SARNP: variants seen among roughly 807,000 people sequenced by gnomAD.
SARNP encodes the protein SAP domain containing ribonucleoprotein, also known as SAP domain-containing ribonucleoprotein.
Under a neutral mutation model 38.1 loss-of-function variants are expected in SARNP, and 5 were observed. The observed-to-expected ratio is 0.13, with a 90% CI of 0.07 to 0.28. The LOEUF (loss-of-function observed/expected upper bound fraction) is 0.28, where lower values mean the gene tolerates loss of function less well. Ranked by LOEUF, SARNP falls within the 10% of genes least tolerant of loss-of-function variation. The pLI is 1.00. For synonymous variants in SARNP, 84 were observed against 80.6 expected (o/e 1.04, Z -0.23); for missense variants, 180 against 243.9 (o/e 0.74, Z 1.75).
At chr12:55,758,589 G>A (rs1034306726) in intron 10 of SARNP, among the ~76,000 whole-genome samples, 8 of 151,998 alleles carry the variant, frequency 5.3e-5, no homozygotes, top group Non-Finnish European at 1.0e-4. Flanking sequence ...AGGTTGCAGT[G>A]AGCTGAGATC....
At chr12:55,789,471 A>C (rs1220335512) in intron 8 of SARNP, among the ~76,000 whole-genome samples, 1 of 152,150 alleles carries the variant, frequency 6.6e-6, no homozygotes, top group Admixed American at 6.5e-5. Context: ...ACCATTCACA[A>C]TCCAAAATCA....
At chr12:55,784,406 C>A (rs1051195469) in intron 9 of SARNP, among the ~76,000 whole-genome samples, 1 of 152,164 alleles carries the variant, frequency 6.6e-6, no homozygotes, top group African/African-American at 2.4e-5. Flanking sequence ...TAGTTAAGCA[C>A]AAGAACTAGG....
At position 55,815,221 on chromosome 12, in the gene SARNP, C is replaced by T. The variant is rs558146021; in HGVS notation, c.36+2445G>A. On this transcript the variant is annotated intron_variant, in intron 1 of 10. Transcript: ENST00000336133. Reference sequence around the variant, plus strand: ...TACAGGTGTGTGCCACCATGCCCAGCTAATTTTTTAATTTTTTTTGTAGAG... The same window carrying T: ...TACAGGTGTGTGCCACCATGCCCAGTTAATTTTTTAATTTTTTTTGTAGAG... Among the ~76,000 whole-genome samples the T allele has an allele frequency of 2.0e-5, 3 of 152,226 alleles. No homozygotes were observed. In the South Asian group the frequency reaches 6.2e-4, roughly 32 times the overall value.
chr12:55,811,065 G>C (rs1020506412), intron 1 of SARNP, among the ~76,000 whole-genome samples: 1 of 135,978 alleles, frequency 7.4e-6, no homozygotes, highest in South Asian at 2.6e-4. Context: ...CTGGGTGACA[G>C]AGCGAGACTC....
intron 9 of SARNP, 90 bp downstream of exon 9, chr12:55,788,985 A>T: frequency 1.2e-6 from 1 of 813,344 alleles, no homozygotes; most frequent in Non-Finnish European, 2.1e-6. Context: ...GTAGCCAGCT[A>T]CATTCTCAGG....
intron 1 of SARNP, among the ~76,000 whole-genome samples, chr12:55,804,132 C>T (rs1159129661): frequency 1.3e-5 from 2 of 152,168 alleles, no homozygotes; most frequent in Non-Finnish European, 2.9e-5. Context: ...ATTCTCCTTA[C>T]CACTTATTAT....
intron 1 of SARNP, chr12:55,815,821 T>C (rs939430266): frequency 2.0e-5 from 3 of 152,262 alleles, no homozygotes; most frequent in African/African-American, 7.2e-5. Flanking sequence ...AAGGTAGTTT[T>C]ATGAAGCCCC....
At position 55,806,594 on chromosome 12, in the gene SARNP, C is replaced by T. The variant is rs145868411; in HGVS notation, c.37-2866G>A. Among the ~76,000 whole-genome samples the T allele has an allele frequency of 3.3e-3, 500 of 152,178 alleles. 4 individuals carry two copies. Among genetic ancestry groups the T allele is most frequent in the African/African-American group, 0.011 (438 of 41,530 alleles). On this transcript the variant is annotated intron_variant, in intron 1 of 10. Coordinates refer to ENST00000336133, the MANE Select transcript of SARNP (RefSeq NM_033082.4). ...AAAGGAAAAAAAAAATTTCTTGAGA[C>T]GGAGTCTCGCTCTATCACCCATGCT...
chr12:55,789,502 G>C (rs1032683530), intron 8 of SARNP, among the ~76,000 whole-genome samples: 2 of 152,174 alleles, frequency 1.3e-5, no homozygotes, highest in African/African-American at 4.8e-5. Flanking sequence ...TGTGGTCTCT[G>C]CAAGTATTTC....
At chr12:55,799,559 C>CT (rs10529763) in intron 4 of SARNP, among the ~76,000 whole-genome samples, 3 of 112,234 alleles carry the variant, frequency 2.7e-5, no homozygotes, top group African/African-American at 1.0e-4. Context: ...GAGTGTCACA[C>CT]TTTTTTTTTT....
intron 9 of SARNP, among the ~76,000 whole-genome samples, chr12:55,782,291 G>C (rs1289998045): frequency 6.6e-6 from 1 of 152,200 alleles, no homozygotes; most frequent in Non-Finnish European, 1.5e-5. Context: ...CCTGGGGAAG[G>C]AGAAGAGTAT....
intron 9 of SARNP, among the ~76,000 whole-genome samples, chr12:55,786,192 T>C (rs912330135): frequency 3.9e-5 from 6 of 152,180 alleles, no homozygotes; most frequent in Admixed American, 3.9e-4. Context: ...AGTATAGCAT[T>C]GATGGACAAA....
chr12:55,787,433 A>G (rs779103902), intron 9 of SARNP, among the ~76,000 whole-genome samples: 19 of 152,024 alleles, frequency 1.2e-4, no homozygotes, highest in Non-Finnish European at 2.2e-4. Flanking sequence ...TGAGTTGGAA[A>G]TACTGATGTT....
intron 9 of SARNP, among the ~76,000 whole-genome samples, chr12:55,775,536 AAAAAAC>A (rs1879155066): frequency 1.4e-5 from 2 of 146,930 alleles, no homozygotes; most frequent in African/African-American, 5.3e-5. Flanking sequence ...CTCAAAAAAA[AAAAAAC>A]AAAAAACAAA....
intron 9 of SARNP, among the ~76,000 whole-genome samples, chr12:55,765,795 C>G (rs986353848): frequency 6.6e-6 from 1 of 152,068 alleles, no homozygotes; most frequent in Admixed American, 6.6e-5. Context: ...TCCCTCCCCA[C>G]CCAGCACCCC....
At chr12:55,763,726 T>A (rs1354498752) in intron 9 of SARNP, among the ~76,000 whole-genome samples, 1 of 152,216 alleles carries the variant, frequency 6.6e-6, no homozygotes, top group African/African-American at 2.4e-5. Flanking sequence ...GTGCTGGGAT[T>A]ACAGGTGTGA....
At chr12:55,785,564 T>TG (rs144519083) in intron 9 of SARNP, among the ~76,000 whole-genome samples, 15,234 of 151,256 alleles carry the variant, frequency 0.1, 1,222 homozygotes, top group African/African-American at 0.22. Context: ...CCAAAGTGAG[T>TG]GATCACTTGA....
chr12:55,796,858 G>T (rs995875219), intron 4 of SARNP, among the ~76,000 whole-genome samples: 1 of 152,118 alleles, frequency 6.6e-6, no homozygotes, highest in Admixed American at 6.5e-5. Context: ...GCTCTAGCTG[G>T]AACAGTCAAA....
intron 1 of SARNP, among the ~76,000 whole-genome samples, chr12:55,816,777 A>AT (rs1040062162): frequency 2.0e-5 from 3 of 152,108 alleles, no homozygotes; most frequent in South Asian, 2.1e-4. Context: ...TTTTTAATAT[A>AT]TTTTTTTAAC....
Sources: allele counts gnomAD v4.1 joint callset (sites outside exome capture counted in the v4.1 genomes callset), GRCh38; gene constraint gnomAD v4.1.1; transcripts MANE v1.5; gene names NCBI Gene and HGNC (gene_info 2026-07-23, HGNC 2026-07-21).